STS: variants seen among roughly 807,000 people sequenced by gnomAD.
The protein encoded by STS is steryl-sulfatase.
A neutral mutation model predicts 26.8 loss-of-function variants in STS; 7 were observed. The ratio of observed to expected loss-of-function variants is 0.26; its 90% CI spans 0.15 to 0.49. STS has a LOEUF of 0.49. Among genes scored for constraint, STS ranks in the 20% least tolerant of loss-of-function variants. The pLI is 0.98. For synonymous variants in STS, 199 were observed against 189.4 expected, an observed-to-expected ratio of 1.05 and a Z score of -0.42; for missense variants, 434 against 465.6, an observed-to-expected ratio of 0.93 and a Z score of 0.63.
chrX:7,149,656 A>C (rs1219510731), intron 1 of STS, among the ~76,000 whole-genome samples: 6 of 112,049 alleles, frequency 5.4e-5, no homozygotes. Flanking sequence ...TAAGTAACCT[A>C]AACAGCAGAT....
At chrX:7,298,625 G>A (rs1424461275) in intron 7 of STS, among the ~76,000 whole-genome samples, 1 of 111,304 alleles carries the variant, frequency 9.0e-6, no homozygotes, top group Non-Finnish European at 1.9e-5. Flanking sequence ...AGGAGAGCAT[G>A]AGAATAACGC....
intron 10 of STS, among the ~76,000 whole-genome samples, chrX:7,335,117 A>G (rs1189216733): frequency 1.8e-5 from 2 of 112,513 alleles, no homozygotes; most frequent in Middle Eastern, 4.2e-3. Context: ...CTTTGGGTAT[A>G]TACCCAGTAA....
At chrX:7,219,468 G>A in intron 2 of STS, 1 of 1,108,612 alleles carries the variant, frequency 9.0e-7, no homozygotes, top group Admixed American at 2.9e-5. Flanking sequence ...AGTGCTGTTG[G>A]CCAAGCCTCC....
chrX:7,150,720 A>G (rs1220236890), intron 1 of STS, among the ~76,000 whole-genome samples: 1 of 110,174 alleles, frequency 9.1e-6, no homozygotes, highest in Non-Finnish European at 1.9e-5. Context: ...TATGCATAAG[A>G]TGGAAGACTC....
At chrX:7,321,726 C>T (rs996251916) in intron 8 of STS, among the ~76,000 whole-genome samples, 6 of 112,536 alleles carry the variant, frequency 5.3e-5, no homozygotes, top group Admixed American at 3.7e-4. Context: ...CTATTTAATG[C>T]TTCACACCAA....
rs2270110 is a variant in STS at position 7,259,986 on chromosome X, C to T, written c.806+214C>T. Among the ~76,000 whole-genome samples, 39,065 of 110,503 alleles carry T rather than the reference C, an allele frequency of 0.35. 5,123 individuals are homozygous for T. Among genetic ancestry groups the T allele is most frequent in the East Asian group, 0.39 (1,353 of 3,430 alleles). On this transcript the variant is annotated intron_variant, in intron 6 of 10. Transcript: ENST00000674429. Reference sequence around the variant, plus strand: ...TGCCTCCCGAGTTCACGCCATTCTCCTGCCTCAGCCTCCTGAGTAGCTGGA... The same window carrying T: ...TGCCTCCCGAGTTCACGCCATTCTCTTGCCTCAGCCTCCTGAGTAGCTGGA...
chrX:7,161,340 C>T (rs990694670), intron 1 of STS, among the ~76,000 whole-genome samples: 5 of 111,860 alleles, frequency 4.5e-5, no homozygotes, highest in Non-Finnish European at 9.4e-5. Flanking sequence ...TTACAGTATA[C>T]TTGTGTATGT....
At chrX:7,233,675 G>A (rs900327179) in intron 2 of STS, among the ~76,000 whole-genome samples, 12 of 111,790 alleles carry the variant, frequency 1.1e-4, no homozygotes, top group Non-Finnish European at 1.9e-4. Flanking sequence ...GCAATTATGA[G>A]ACAGCTTGTT....
chrX:7,325,259 G>A (rs1053045068), intron 8 of STS, 80 bp from the exon 9 acceptor site: 2 of 1,051,203 alleles, frequency 1.9e-6, no homozygotes, highest in Non-Finnish European at 2.6e-6. Context: ...TCTACATTGA[G>A]CACGAAAGAG....
intron 1 of STS, among the ~76,000 whole-genome samples, chrX:7,189,694 G>A (rs1933837846): frequency 8.9e-6 from 1 of 112,436 alleles, no homozygotes; most frequent in African/African-American, 3.2e-5. Flanking sequence ...AGTGTTTGCT[G>A]TGGTGAACAA....
chrX:7,322,950 T>C (rs1927114444), intron 8 of STS, among the ~76,000 whole-genome samples: 1 of 112,228 alleles, frequency 8.9e-6, no homozygotes, highest in Non-Finnish European at 1.9e-5. Flanking sequence ...AATTGCTTCA[T>C]AGGCACCAAG....
chrX:7,240,255 T>C (rs1049250282), intron 2 of STS, among the ~76,000 whole-genome samples: 2 of 108,783 alleles, frequency 1.8e-5, no homozygotes, highest in Non-Finnish European at 3.8e-5. Flanking sequence ...TGATAATATC[T>C]ACCTCCAGGC....
chrX:7,170,270 G>T (rs910014097), intron 1 of STS, among the ~76,000 whole-genome samples: 4 of 110,210 alleles, frequency 3.6e-5, no homozygotes, highest in Admixed American at 2.9e-4. Flanking sequence ...GTGATTTACA[G>T]CAGTGGGAAT....
intron 2 of STS, among the ~76,000 whole-genome samples, chrX:7,251,541 G>C (rs1255307945): frequency 6.3e-5 from 7 of 111,461 alleles, no homozygotes; most frequent in Non-Finnish European, 1.3e-4. Context: ...AGTGCTCCCA[G>C]ATACACGGCA....
intron 2 of STS, among the ~76,000 whole-genome samples, chrX:7,226,696 C>A (rs1443379706): frequency 9.0e-6 from 1 of 110,688 alleles, no homozygotes; most frequent in African/African-American, 3.3e-5. Context: ...GAGTTTGAGA[C>A]CAGCCTGGGC....
At chrX:7,162,399 G>A (rs1210615945) in intron 1 of STS, among the ~76,000 whole-genome samples, 5 of 111,527 alleles carry the variant, frequency 4.5e-5, no homozygotes, top group African/African-American at 6.5e-5. Flanking sequence ...CAGAGACTTG[G>A]CACAGGGCTA....
intron 2 of STS, among the ~76,000 whole-genome samples, chrX:7,248,445 G>T (rs1334541537): frequency 9.0e-6 from 1 of 111,681 alleles, no homozygotes; most frequent in Non-Finnish European, 1.9e-5. Flanking sequence ...AAACATGCAA[G>T]CATAACGTTT....
chrX:7,334,227 T>C, intron 10 of STS, 120 bp downstream of exon 10: 7 of 996,074 alleles, frequency 7.0e-6, no homozygotes, highest in Non-Finnish European at 9.9e-6. Flanking sequence ...TGCCTCAATG[T>C]GCGCCCATGC....
chrX:7,220,753 T>A (rs1014620220), intron 2 of STS, among the ~76,000 whole-genome samples: 10 of 108,887 alleles, frequency 9.2e-5, no homozygotes, highest in African/African-American at 3.4e-4. Flanking sequence ...GTTTCACGTG[T>A]TAGTCAGGAT....
Sources: allele counts gnomAD v4.1 joint callset (sites outside exome capture counted in the v4.1 genomes callset), GRCh38; gene constraint gnomAD v4.1.1; transcripts MANE v1.5; gene names NCBI Gene and HGNC (gene_info 2026-07-23, HGNC 2026-07-21).